DNAH9: variants seen among roughly 807,000 people sequenced by gnomAD.
DNAH9 encodes the protein dynein axonemal heavy chain 9, also known as DNAH9 variant protein.
In DNAH9, 345 loss-of-function variants were observed where a neutral mutation model predicts 471.6. That is an observed-to-expected ratio of 0.73 (90% CI 0.67 to 0.80). The LOEUF (loss-of-function observed/expected upper bound fraction) is 0.80, where lower values mean the gene tolerates loss of function less well. DNAH9 is among the 30% of genes least tolerant of loss of function. DNAH9 has a pLI of 0.00. For synonymous variants in DNAH9, 2,093 were observed against 2,123.6 expected (o/e 0.99, Z 0.40); for missense variants, 5,407 against 5,609.2 (o/e 0.96, Z 1.15).
chr17:11,717,625 G>A (rs1204908548), intron 26 of DNAH9, among the ~76,000 whole-genome samples: 5 of 152,164 alleles, frequency 3.3e-5, no homozygotes, highest in Non-Finnish European at 7.3e-5. Context: ...AATTGTATCA[G>A]CTTTATTGAG....
intron 36 of DNAH9, among the ~76,000 whole-genome samples, chr17:11,766,719 C>G (rs1967952112): frequency 1.3e-5 from 2 of 152,166 alleles, no homozygotes; most frequent in South Asian, 4.1e-4. Context: ...AATCCCAGCA[C>G]TTTGGGAGGC....
chr17:11,893,812 G>A (rs1195426787), intron 58 of DNAH9, among the ~76,000 whole-genome samples: 2 of 152,106 alleles, frequency 1.3e-5, no homozygotes, highest in South Asian at 2.1e-4. Flanking sequence ...AAACCACCAT[G>A]GCCCATGTAC....
chr17:11,759,142 A>T (rs544562042), intron 35 of DNAH9, among the ~76,000 whole-genome samples: 10 of 138,230 alleles, frequency 7.2e-5, no homozygotes, highest in African/African-American at 2.4e-4. Flanking sequence ...TTATTTGTAT[A>T]GATTTAGGGA....
In DNAH9 at chr17:11,660,408, C is replaced by T. The variant is rs529673349; in HGVS notation, c.2596-4425C>T. ...TACTGTCTCAACTTACTGCAACCTG[C>T]GCTTCCCAGGCTCAAGCGATTCTTG... On this transcript the variant is annotated intron_variant, in intron 14 of 68. Coordinates refer to ENST00000262442, the MANE Select transcript of DNAH9 (RefSeq NM_001372.4). Among the ~76,000 whole-genome samples, 24 of 149,166 alleles carry T rather than the reference C, an allele frequency of 1.6e-4. No homozygotes were observed. In the East Asian group the frequency reaches 2.6e-3, roughly 16 times the overall value.
At chr17:11,832,781 G>A (rs1970720178) in intron 48 of DNAH9, among the ~76,000 whole-genome samples, 1 of 152,200 alleles carries the variant, frequency 6.6e-6, no homozygotes, top group African/African-American at 2.4e-5. Context: ...GTAACCTTTG[G>A]TTGTTGCGTG....
intron 57 of DNAH9, among the ~76,000 whole-genome samples, chr17:11,887,987 T>TG (rs1972930303): frequency 6.9e-6 from 1 of 145,446 alleles, no homozygotes; most frequent in Non-Finnish European, 1.5e-5. Flanking sequence ...TATGGTTTTT[T>TG]GTTTTTTTTT....
At chr17:11,690,698 T>C (rs78102911) in intron 20 of DNAH9, among the ~76,000 whole-genome samples, 5 of 150,000 alleles carry the variant, frequency 3.3e-5, no homozygotes, top group Admixed American at 2.0e-4. Context: ...AAAAAAAAAA[T>C]GTATATATAA....
intron 49 of DNAH9, among the ~76,000 whole-genome samples, chr17:11,840,097 T>C (rs1471332747): frequency 6.6e-6 from 1 of 152,194 alleles, no homozygotes; most frequent in Non-Finnish European, 1.5e-5. Context: ...CAACACCTCA[T>C]AGAGATATCT....
Position 11,729,709 on chromosome 17 carries a change from C to T in DNAH9, c.5814+1787C>T, listed in dbSNP as rs557794254. ...ACATCATGCAAAAGGTCATCCCTGGCGGGGAAAGATGACTGAGCCAGCATC... is the reference window on the plus strand; with the variant it reads ...ACATCATGCAAAAGGTCATCCCTGGTGGGGAAAGATGACTGAGCCAGCATC... On this transcript the variant is annotated intron_variant, in intron 28 of 68. Coordinates refer to ENST00000262442, the MANE Select transcript of DNAH9 (RefSeq NM_001372.4). 6.6e-5 allele frequency among the ~76,000 whole-genome samples: 10 copies of T among 152,208 alleles called. No individual in the cohort carries two copies. In the South Asian group the frequency reaches 8.3e-4, roughly 13 times the overall value.
intron 40 of DNAH9, 152 bp from the exon 41 acceptor site, chr17:11,784,148 G>C: frequency 4.2e-6 from 5 of 1,201,694 alleles, no homozygotes; most frequent in Non-Finnish European, 5.9e-6. Flanking sequence ...GTCATTTTAG[G>C]TTCAACCTAA....
chr17:11,840,927 A>C (rs1251580733), intron 49 of DNAH9, among the ~76,000 whole-genome samples: 1 of 152,218 alleles, frequency 6.6e-6, no homozygotes, highest in Non-Finnish European at 1.5e-5. Flanking sequence ...GAATGGCAAG[A>C]TAGTACATCC....
intron 19 of DNAH9, among the ~76,000 whole-genome samples, chr17:11,683,327 C>T (rs2074170459): frequency 6.6e-6 from 1 of 152,102 alleles, no homozygotes; most frequent in Admixed American, 6.5e-5. Context: ...GTGCCCACCA[C>T]CATGCCTGGC....
intron 24 of DNAH9, 41 bp downstream of exon 24, chr17:11,701,288 T>C: frequency 6.2e-7 from 1 of 1,605,880 alleles, no homozygotes; most frequent in Non-Finnish European, 8.5e-7. Flanking sequence ...TGGTTGGGGC[T>C]GTCTTCCTCC....
At chr17:11,911,132 T>C (rs965012908) in intron 61 of DNAH9, among the ~76,000 whole-genome samples, 4 of 152,258 alleles carry the variant, frequency 2.6e-5, no homozygotes, top group African/African-American at 7.2e-5. Context: ...CACAAAGATT[T>C]ACTCTCCCTT....
chr17:11,672,531 G>A (rs889070017), intron 17 of DNAH9, among the ~76,000 whole-genome samples: 1 of 152,138 alleles, frequency 6.6e-6, no homozygotes, highest in Non-Finnish European at 1.5e-5. Context: ...CACCAGCTCT[G>A]CTGACGTGAA....
In DNAH9 at chr17:11,704,207, C is replaced by T; in HGVS notation, c.5156C>T (p.Ala1719Val). 1 of 1,614,056 alleles carries T rather than the reference C, an allele frequency of 6.2e-7. No individual in the cohort carries two copies. Among genetic ancestry groups the T allele is most frequent in the Non-Finnish European group, 8.5e-7 (1 of 1,179,986 alleles). ...AGGCAACTCTTGCTGCCACAGGTGG[C>T]CCTGACCTGTACTCAGATCTGGTGG... is the stretch of plus-strand genomic sequence containing the variant. ...QWLFDHPAQV[A>V]LTCTQIWWTT... The change falls in exon 25 of 69, where the codon GCC (alanine) becomes GTC (valine). Residue 1719 changes from alanine to valine, a missense_variant. By Grantham distance (64) the Ala-to-Val change is moderately conservative. Coordinates refer to ENST00000262442, the MANE Select transcript of DNAH9 (RefSeq NM_001372.4).
rs571089069 is a variant in DNAH9 at position 11,930,191 on chromosome 17, T to C, written c.12105+98T>C. On this transcript the variant is annotated intron_variant, in intron 63 of 68. Transcript: ENST00000262442. ...GCATGCAACTCAGAAGGGAGTCGGG[T>C]GCTGGTTGGGCTACGGAGCAATGCT... The C allele has an allele frequency of 5.6e-5, 61 of 1,099,068 alleles. No individual in the cohort carries two copies. In the Admixed American group the frequency reaches 1.1e-3, roughly 21 times the overall value. 68.1% of individuals were successfully genotyped at this position (1,099,068 alleles called of 1,614,324 possible). A position where few individuals can be genotyped will look rare whatever the true frequency, so the allele number is the denominator to read the frequency against.
intron 61 of DNAH9, among the ~76,000 whole-genome samples, chr17:11,913,277 A>G (rs962868614): frequency 2.0e-5 from 3 of 152,198 alleles, no homozygotes; most frequent in Non-Finnish European, 4.4e-5. Context: ...AGAAGTTTTT[A>G]AATTATTAGT....
chr17:11,850,473 A>T lies in DNAH9; in HGVS notation c.9508-3530A>T, dbSNP rs531198252. ...AGATCAGCCTGACCAACATAATGAA[A>T]CCCTGTCTCTACTACTATACAAAAA... On this transcript the variant is annotated intron_variant, in intron 49 of 68. Coordinates refer to ENST00000262442, the MANE Select transcript of DNAH9 (RefSeq NM_001372.4). Among the ~76,000 whole-genome samples the T allele has an allele frequency of 1.1e-3, 170 of 152,142 alleles. 1 individual carries two copies. Among genetic ancestry groups the T allele is most frequent in the African/African-American group, 3.8e-3 (159 of 41,496 alleles).
Sources: allele counts gnomAD v4.1 joint callset (sites outside exome capture counted in the v4.1 genomes callset), GRCh38; gene constraint gnomAD v4.1.1; transcripts MANE v1.5; gene names NCBI Gene and HGNC (gene_info 2026-07-23, HGNC 2026-07-21).